XRCC4: variants seen among roughly 807,000 people sequenced by gnomAD.
The protein encoded by XRCC4 is DNA repair protein XRCC4.
Under a neutral mutation model 39.1 loss-of-function variants are expected in XRCC4, and 28 were observed. The ratio of observed to expected loss-of-function variants is 0.72; its 90% CI spans 0.53 to 0.98. XRCC4 has a LOEUF of 0.98. Ranked by LOEUF, XRCC4 falls within the 50% of genes least tolerant of loss-of-function variation. The pLI is 0.00. For missense variants in XRCC4, 350 were observed against 376.4 expected (o/e 0.93, Z 0.58); for synonymous variants, 123 against 126.4 (o/e 0.97, Z 0.18).
At chr5:83,314,131 T>C (rs1755801386) in intron 7 of XRCC4, among the ~76,000 whole-genome samples, 1 of 152,154 alleles carries the variant, frequency 6.6e-6, no homozygotes, top group Admixed American at 6.6e-5. Context: ...TAATAAATGT[T>C]ACTTCAATAT....
intron 3 of XRCC4, among the ~76,000 whole-genome samples, chr5:83,179,717 C>T (rs560954518): frequency 6.6e-6 from 1 of 152,280 alleles, no homozygotes; most frequent in Admixed American, 6.5e-5. Flanking sequence ...ATTGTTTCTT[C>T]TACAGTCAGA....
chr5:83,306,389 TA>T (rs1276689573), intron 7 of XRCC4, among the ~76,000 whole-genome samples: 1 of 152,196 alleles, frequency 6.6e-6, no homozygotes, highest in African/African-American at 2.4e-5. Context: ...AACATTTCAG[TA>T]TATAAAATCA....
intron 3 of XRCC4, among the ~76,000 whole-genome samples, chr5:83,117,385 A>AT (rs1166212785): frequency 6.6e-6 from 1 of 152,236 alleles, no homozygotes; most frequent in Non-Finnish European, 1.5e-5. Context: ...AGACTTTGTC[A>AT]TGCTAACAAT....
chr5:83,317,092 C>T (rs1478508424), intron 7 of XRCC4, among the ~76,000 whole-genome samples: 1 of 51,842 alleles, frequency 1.9e-5, no homozygotes. Flanking sequence ...ACAACCTGCT[C>T]CTGAATGACT....
chr5:83,116,584 A>G (rs72767133), intron 3 of XRCC4, among the ~76,000 whole-genome samples: 5,506 of 148,372 alleles, frequency 0.037, 184 homozygotes, highest in South Asian at 0.15. Context: ...TGTCTGAGTG[A>G]AAGAATTACC....
At chr5:83,288,800 C>A (rs1754820076) in intron 7 of XRCC4, among the ~76,000 whole-genome samples, 1 of 151,740 alleles carries the variant, frequency 6.6e-6, no homozygotes, top group Non-Finnish European at 1.5e-5. Context: ...TCTAGGCTTC[C>A]TGGATATCTG....
At chr5:83,186,940 C>CTTTTTTTTTTTTTTTTT (rs1750468282) in intron 3 of XRCC4, among the ~76,000 whole-genome samples, 1 of 96,828 alleles carries the variant, frequency 1.0e-5, no homozygotes, top group Non-Finnish European at 2.0e-5. Flanking sequence ...CTGCTTCTTC[C>CTTTTTTTTTTTTTTTTT]ATTTTTTTTT....
intron 7 of XRCC4, among the ~76,000 whole-genome samples, chr5:83,334,603 T>C (rs1756535017): frequency 6.6e-6 from 1 of 151,952 alleles, no homozygotes; most frequent in African/African-American, 2.4e-5. Context: ...GAAAAAATGG[T>C]ATAAACTCTT....
At position 83,111,022 on chromosome 5, in the gene XRCC4, C is replaced by G. The variant is rs1294556063; in HGVS notation, c.140-6C>G. 1 of 1,598,370 alleles carries G rather than the reference C, an allele frequency of 6.3e-7. No individual in the cohort carries two copies. Among genetic ancestry groups the G allele is most frequent in the Admixed American group, 1.8e-5 (1 of 56,236 alleles). On this transcript the variant is annotated splice_polypyrimidine_tract_variant and splice_region_variant and intron_variant, in intron 2 of 7. Coordinates refer to ENST00000396027, the MANE Select transcript of XRCC4 (RefSeq NM_003401.5). ...ATTTTAAAACTTTTGTTAATATTTC[C>G]CATAGTTTCTGAATCAGAGATTTCC...
intron 3 of XRCC4, among the ~76,000 whole-genome samples, chr5:83,135,068 C>T (rs181515487): frequency 3.9e-5 from 6 of 152,264 alleles, no homozygotes; most frequent in African/African-American, 7.2e-5. Context: ...TTGAAGTCCG[C>T]GAGACCAAGA....
At chr5:83,288,908 T>C (rs925691421) in intron 7 of XRCC4, among the ~76,000 whole-genome samples, 1 of 151,818 alleles carries the variant, frequency 6.6e-6, no homozygotes, top group Non-Finnish European at 1.5e-5. Flanking sequence ...GGTATTCTAA[T>C]TATATATATA....
intron 7 of XRCC4, among the ~76,000 whole-genome samples, chr5:83,334,944 G>A (rs1209540370): frequency 6.6e-6 from 1 of 151,932 alleles, no homozygotes; most frequent in East Asian, 1.9e-4. Context: ...ATTTTAAGTA[G>A]TAACTGTTTC....
At chr5:83,187,264 T>C (rs940102486) in intron 3 of XRCC4, among the ~76,000 whole-genome samples, 4 of 152,220 alleles carry the variant, frequency 2.6e-5, no homozygotes, top group South Asian at 4.2e-4. Flanking sequence ...ACGGTAGCAG[T>C]TTTGTATCTC....
intron 7 of XRCC4, among the ~76,000 whole-genome samples, chr5:83,307,069 C>G (rs1302234250): frequency 6.6e-6 from 1 of 152,190 alleles, no homozygotes; most frequent in African/African-American, 2.4e-5. Context: ...TTAACATAGT[C>G]TAGCCTCACC....
intron 7 of XRCC4, among the ~76,000 whole-genome samples, chr5:83,274,864 T>G (rs1201355328): frequency 6.6e-6 from 1 of 152,166 alleles, no homozygotes; most frequent in Non-Finnish European, 1.5e-5. Context: ...CAAAGTATAA[T>G]GGTAAATTTT....
chr5:83,309,266 C>CAAAAAA lies in XRCC4; in HGVS notation c.894-43839_894-43834dup, dbSNP rs59326460. Among the ~76,000 whole-genome samples the CAAAAAA allele has an allele frequency of 7.5e-4, 13 of 17,388 alleles. 2 individuals carry two copies. The highest frequency in any genetic ancestry group is 9.4e-3 in the East Asian group (1 of 106). 11.4% of individuals were successfully genotyped at this position (17,388 alleles called of 152,430 possible). On this transcript the variant is annotated intron_variant, in intron 7 of 7. Coordinates refer to ENST00000396027, the MANE Select transcript of XRCC4 (RefSeq NM_003401.5). ...TGGGTGACAGAGCGAGACTCCGTCT[C>CAAAAAA]AAAAAAAAAAAAAAAAAAAAAAAAA...
chr5:83,282,022 ATTTAGCCT>A (rs1754559435), intron 7 of XRCC4, among the ~76,000 whole-genome samples: 1 of 152,226 alleles, frequency 6.6e-6, no homozygotes, highest in South Asian at 2.1e-4. Context: ...GAGGGCATTT[ATTTAGCCT>A]TAATACTAGC....
At chr5:83,178,622 G>T (rs1359692396) in intron 3 of XRCC4, among the ~76,000 whole-genome samples, 1 of 152,124 alleles carries the variant, frequency 6.6e-6, no homozygotes, top group Non-Finnish European at 1.5e-5. Context: ...AATTTCAGTG[G>T]AGAATATAGA....
chr5:83,162,304 A>G (rs2112588248), intron 3 of XRCC4, among the ~76,000 whole-genome samples: 1 of 152,342 alleles, frequency 6.6e-6, no homozygotes, highest in East Asian at 1.9e-4. Context: ...ATGCCCTCTT[A>G]AAGTTGGTTA....
Sources: allele counts gnomAD v4.1 joint callset (sites outside exome capture counted in the v4.1 genomes callset), GRCh38; gene constraint gnomAD v4.1.1; transcripts MANE v1.5; gene names NCBI Gene and HGNC (gene_info 2026-07-23, HGNC 2026-07-21).